ZFP2: variants seen among roughly 807,000 people sequenced by gnomAD.
ZFP2 encodes the protein ZFP2 zinc finger protein.
Under a neutral mutation model 36.1 loss-of-function variants are expected in ZFP2, and 33 were observed. That is an observed-to-expected ratio of 0.92 (90% CI 0.69 to 1.22). The LOEUF (loss-of-function observed/expected upper bound fraction) is 1.22, where lower values mean the gene tolerates loss of function less well. Among genes scored for constraint, ZFP2 ranks in the 50% most tolerant of loss-of-function variants. The probability of loss-of-function intolerance (pLI) is 0.00; values close to 1 mark genes in which losing one functional copy is unlikely to be tolerated. For synonymous variants in ZFP2, 170 were observed against 178.0 expected (o/e 0.96, Z 0.36); for missense variants, 522 against 551.4 (o/e 0.95, Z 0.53).
chr5:178,917,848 A>G (rs1758472926), intron 4 of ZFP2, among the ~76,000 whole-genome samples: 3 of 152,228 alleles, frequency 2.0e-5, no homozygotes, highest in South Asian at 2.1e-4. Context: ...TGAATGTAGA[A>G]GTATTCAAAA....
chr5:178,909,842 GT>G (rs761395196), intron 1 of ZFP2: 80 of 1,588,494 alleles, frequency 5.0e-5, no homozygotes, highest in Non-Finnish European at 6.4e-5. Context: ...CATCTTCACT[GT>G]GGTTGCTGAG....
chr5:178,906,160 A>G (rs1009869811), intron 1 of ZFP2, among the ~76,000 whole-genome samples: 1 of 152,222 alleles, frequency 6.6e-6, no homozygotes, highest in Non-Finnish European at 1.5e-5. Context: ...AGCTCTGCGC[A>G]TGCTGAGCAC....
intron 4 of ZFP2, among the ~76,000 whole-genome samples, chr5:178,930,529 C>T (rs923727095): frequency 6.6e-6 from 1 of 151,896 alleles, no homozygotes; most frequent in African/African-American, 2.4e-5. Context: ...CCATTTTGGC[C>T]AGGCTGGTCT....
chr5:178,916,921 T>C (rs1030709512), intron 4 of ZFP2, among the ~76,000 whole-genome samples: 2 of 152,228 alleles, frequency 1.3e-5, no homozygotes, highest in Admixed American at 1.3e-4. Context: ...AATTTTCTTT[T>C]CAGCATCATT....
At chr5:178,906,946 C>G (rs1223820386) in intron 1 of ZFP2, among the ~76,000 whole-genome samples, 1 of 151,572 alleles carries the variant, frequency 6.6e-6, no homozygotes, top group Non-Finnish European at 1.5e-5. Flanking sequence ...CTGAACTATA[C>G]AAGTTCCTGC....
chr5:178,910,084 T>C, intron 1 of ZFP2: 5 of 1,473,608 alleles, frequency 3.4e-6, no homozygotes, highest in Non-Finnish European at 4.7e-6. Context: ...TAGAGATCCT[T>C]GAATTTATTC....
chr5:178,896,330 A>G (rs985598978), intron 1 of ZFP2, among the ~76,000 whole-genome samples: 15 of 152,204 alleles, frequency 9.9e-5, no homozygotes, highest in African/African-American at 3.4e-4. Flanking sequence ...CAAGGTTCCA[A>G]GAGTCGCTCG....
intron 1 of ZFP2, chr5:178,909,989 T>C: frequency 7.1e-7 from 1 of 1,403,596 alleles, no homozygotes. Flanking sequence ...GGGTAGAGAC[T>C]AGTTTCCATA....
intron 4 of ZFP2, among the ~76,000 whole-genome samples, chr5:178,924,731 C>T (rs1404461051): frequency 6.7e-6 from 1 of 148,222 alleles, no homozygotes; most frequent in African/African-American, 2.4e-5. Context: ...CCCTGTAGTC[C>T]CAGCTACTTG....
chr5:178,919,875 A>G (rs1478706103), intron 4 of ZFP2, among the ~76,000 whole-genome samples: 1 of 151,982 alleles, frequency 6.6e-6, no homozygotes, highest in Non-Finnish European at 1.5e-5. Flanking sequence ...GAGGCACGGG[A>G]ATCGCTTGAA....
At chr5:178,909,888 A>G (rs1215752813) in intron 1 of ZFP2, 1 of 1,562,444 alleles carries the variant, frequency 6.4e-7, no homozygotes, top group Non-Finnish European at 8.8e-7. Flanking sequence ...GTTAAGGAAC[A>G]TGTTCCAAGA....
chr5:178,908,493 C>T lies in ZFP2; in HGVS notation c.-449-4091C>T, dbSNP rs558506600. ...AACCTAATTTCAACCATGTAAATAG[C>T]GCTACACACAGTACAGACCTGCCCT... On this transcript the variant is annotated intron_variant, in intron 1 of 4. Coordinates refer to ENST00000361362, the MANE Select transcript of ZFP2 (RefSeq NM_030613.4). Among the ~76,000 whole-genome samples, 47 of 151,592 alleles carry T rather than the reference C, an allele frequency of 3.1e-4. No individual in the cohort carries two copies. The South Asian group carries it at 6.7e-3, about 22-fold the overall frequency.
intron 1 of ZFP2, among the ~76,000 whole-genome samples, chr5:178,900,417 C>A (rs1171197700): frequency 2.6e-5 from 2 of 76,562 alleles, no homozygotes; most frequent in East Asian, 8.0e-4. Flanking sequence ...CGTGCCACTT[C>A]TACTCCATGT....
intron 4 of ZFP2, chr5:178,922,404 T>C: frequency 7.7e-7 from 1 of 1,298,198 alleles, no homozygotes. Context: ...GAAACATTTT[T>C]ATTTGCAGTT....
At chr5:178,905,606 A>G (rs1250775009) in intron 1 of ZFP2, among the ~76,000 whole-genome samples, 2 of 152,166 alleles carry the variant, frequency 1.3e-5, no homozygotes, top group East Asian at 3.8e-4. Flanking sequence ...GAAGCTCCTT[A>G]AACACTATGA....
rs138384460 is a variant in ZFP2 at position 178,903,016 on chromosome 5, A to G, written c.-450+7042A>G. Among the ~76,000 whole-genome samples, 26 of 152,356 alleles carry G rather than the reference A, an allele frequency of 1.7e-4. 2 individuals carry two copies. In the East Asian group the frequency reaches 5.0e-3, roughly 29 times the overall value. On this transcript the variant is annotated intron_variant, in intron 1 of 4. Coordinates refer to ENST00000361362, the MANE Select transcript of ZFP2 (RefSeq NM_030613.4). ...TAGTCTAGACACTTGATAGCAGCTG[A>G]TGACAGGCATTTTGTCACTTTTGTT... is the stretch of plus-strand genomic sequence containing the variant.
intron 1 of ZFP2, among the ~76,000 whole-genome samples, chr5:178,911,033 G>A (rs1274923171): frequency 6.6e-6 from 1 of 152,030 alleles, no homozygotes; most frequent in Non-Finnish European, 1.5e-5. Flanking sequence ...CTTTCTTTAC[G>A]TTTGTTGAAC....
intron 4 of ZFP2, among the ~76,000 whole-genome samples, chr5:178,918,700 T>C (rs1430405699): frequency 6.6e-6 from 1 of 152,174 alleles, no homozygotes; most frequent in Non-Finnish European, 1.5e-5. Flanking sequence ...AAAAGTCTTG[T>C]TTAGGAAAAA....
intron 1 of ZFP2, among the ~76,000 whole-genome samples, chr5:178,911,685 A>G (rs924708912): frequency 6.6e-6 from 1 of 152,132 alleles, no homozygotes; most frequent in Non-Finnish European, 1.5e-5. Context: ...CCTAACCCCC[A>G]TGTATTCAAG....
Sources: gnomAD v4.1 joint callset for allele counts (sites outside exome capture counted in the v4.1 genomes callset) on GRCh38, gnomAD v4.1.1 for gene constraint, MANE v1.5 for transcripts, NCBI Gene and HGNC (gene_info 2026-07-23, HGNC 2026-07-21) for gene names.